Variants in GLOD4 observed in about 807,000 individuals in gnomAD.
GLOD4 encodes glyoxalase domain containing 4.
A neutral mutation model predicts 39.1 loss-of-function variants in GLOD4; 44 were observed. That is an observed-to-expected ratio of 1.13 (90% CI 0.88 to 1.45). The LOEUF is 1.45. Among genes scored for constraint, GLOD4 ranks in the 40% most tolerant of loss-of-function variants. The pLI is 0.00. For synonymous variants in GLOD4, 145 were observed against 135.0 expected, an observed-to-expected ratio of 1.07 and a Z score of -0.52; for missense variants, 405 against 366.4, an observed-to-expected ratio of 1.11 and a Z score of -0.86.
intron 8 of GLOD4, among the ~76,000 whole-genome samples, 159 bp from the exon 9 acceptor site, chr17:760,397 A>AT (rs1175607119): frequency 2.0e-5 from 3 of 152,172 alleles, no homozygotes; most frequent in East Asian, 1.9e-4. Flanking sequence ...AATAAAAAAA[A>AT]TTTTTTAACA....
chr17:779,319 TAA>T (rs34487169), intron 1 of GLOD4, among the ~76,000 whole-genome samples: 20,790 of 43,192 alleles, frequency 0.48, 3,915 homozygotes, highest in South Asian at 0.65. Context: ...CATCTCAAAT[TAA>T]AAAAAAAAAA....
At chr17:770,981 G>C (rs180938319) in intron 5 of GLOD4, 1 of 209,464 alleles carries the variant, frequency 4.8e-6, no homozygotes, top group African/African-American at 2.3e-5. Flanking sequence ...TAATTCCTAG[G>C]AGTAGAATTG....
Position 760,187 on chromosome 17 carries a change from TG to T in GLOD4, c.882del (p.Ala296LeufsTer21). On this transcript the variant is annotated frameshift_variant, in exon 9 of 9. Coordinates refer to ENST00000301329, the MANE Select transcript of GLOD4 (RefSeq NM_016080.4). LOFTEE classifies it high-confidence loss of function. ...CATGTCTTCCGTTAACCTGAAGCTT[TG>T]GGTTTATTGTGTTTGGCAAACCACT... ...SDEWFAKHNK[P>X]KASG 6.3e-7 allele frequency: 1 copy of T among 1,597,072 alleles called. No homozygotes were observed. Among genetic ancestry groups the T allele is most frequent in the Non-Finnish European group, 8.6e-7 (1 of 1,164,440 alleles).
chr17:776,332 A>T (rs1908942994), intron 3 of GLOD4, among the ~76,000 whole-genome samples: 1 of 152,224 alleles, frequency 6.6e-6, no homozygotes, highest in Non-Finnish European at 1.5e-5. Flanking sequence ...AGTGCCTAGA[A>T]ATGTACACGT....
intron 8 of GLOD4, chr17:764,270 T>C (rs75470569): frequency 3.9e-5 from 6 of 152,292 alleles, no homozygotes; most frequent in African/African-American, 7.2e-5. Flanking sequence ...CAGCTGGGCA[T>C]AGTGCTGCAG....
rs745537767 is a variant in GLOD4 at position 782,248 on chromosome 17, G to A, written c.8C>T (p.Ala3Val). Residue 3 changes from alanine to valine, a missense_variant, in exon 1 of 9, where the codon GCT (alanine) becomes GTT (valine). Ala to Val is a moderately conservative substitution (Grantham distance 64). Coordinates refer to ENST00000301329, the MANE Select transcript of GLOD4 (RefSeq NM_016080.4). Reference protein sequence around the residue: MAARRALHFVFKV... With the variant: MAVRRALHFVFKV... Reference sequence around the variant, plus strand: ...GAATACGAAGTGCAGAGCTCTGCGAGCAGCCATGATTCCCGCCGCACGCAG... The same window carrying A: ...GAATACGAAGTGCAGAGCTCTGCGAACAGCCATGATTCCCGCCGCACGCAG... 2.5e-6 allele frequency: 4 copies of A among 1,613,030 alleles called. No homozygotes were observed. The highest frequency in any genetic ancestry group is 1.3e-5 in the African/African-American group (1 of 74,916).
chr17:763,790 C>T (rs376267082), intron 8 of GLOD4: 5 of 152,066 alleles, frequency 3.3e-5, no homozygotes, highest in African/African-American at 1.2e-4. Flanking sequence ...GGTAGGTTTC[C>T]TAGGTGAAGA....
upstream of GLOD4, among the ~76,000 whole-genome samples, chr17:783,695 G>A (rs567050993): frequency 6.6e-6 from 1 of 152,278 alleles, no homozygotes; most frequent in Admixed American, 6.5e-5. Context: ...CTTGTCTTAG[G>A]ACAGCAGCAT....
chr17:776,484 C>T (rs765861175), intron 3 of GLOD4, among the ~76,000 whole-genome samples: 1 of 152,170 alleles, frequency 6.6e-6, no homozygotes, highest in Admixed American at 6.5e-5. Flanking sequence ...CAGACTGCAG[C>T]CAGCCTTGTT....
rs912375989 is a variant in GLOD4, at chr17:775,805, A to G, written c.376T>C (p.Tyr126His). The change falls in exon 4 of 9, where the codon TAT becomes CAT. Residue 126 changes from tyrosine to histidine, a missense_variant. Tyr to His is a moderately conservative substitution (Grantham distance 83). Transcript: ENST00000301329. Reference protein sequence around the residue: ...ETEAPGGYKFYLQNRSLPQSD... With the variant: ...ETEAPGGYKFHLQNRSLPQSD... ...TGAGGCAGACTGCGATTCTGCAAAT[A>G]GAACTTATATCCTCCCGGGGCCTCG... 1.9e-6 allele frequency: 3 copies of G among 1,613,992 alleles called. No individual in the cohort carries two copies. The highest frequency in any genetic ancestry group is 2.5e-6 in the Non-Finnish European group (3 of 1,179,968).
Position 759,365 on chromosome 17 carries a change from A to T in GLOD4, c.*808T>A, listed in dbSNP as rs772875655. 6.6e-6 allele frequency: 1 copy of T among 152,350 alleles called. No individual in the cohort carries two copies. Among genetic ancestry groups the T allele is most frequent in the Non-Finnish European group, 1.5e-5 (1 of 68,034 alleles). The allele number at this position is 152,350 out of a possible 1,614,324, so 9.4% of individuals were successfully genotyped here. ...AAAAAATTTATTCAATGAATACACA[A>T]TATAATTCCATTTCGAGTGATTAAA... On this transcript the variant is annotated 3_prime_UTR_variant, in exon 9 of 9. Transcript: ENST00000301329.
chr17:781,500 C>T (rs1019813231), intron 1 of GLOD4, among the ~76,000 whole-genome samples: 1 of 152,182 alleles, frequency 6.6e-6, no homozygotes, highest in Non-Finnish European at 1.5e-5. Flanking sequence ...GAATTCAGAT[C>T]CCCGTCTATT....
intron 1 of GLOD4, 73 bp downstream of exon 1, chr17:782,093 C>G: frequency 8.8e-7 from 1 of 1,130,958 alleles, no homozygotes; most frequent in Non-Finnish European, 1.3e-6. Flanking sequence ...CCATTTTCCC[C>G]TCCCTCCGCC....
chr17:770,699 T>TA (rs917734500), intron 5 of GLOD4, 192 bp from the exon 6 acceptor site: 80 of 436,368 alleles, frequency 1.8e-4, no homozygotes, highest in Middle Eastern at 6.0e-4. Context: ...ATCTATGTTT[T>TA]TTTTTTTACA....
At chr17:773,029 A>G (rs1189007327) in intron 4 of GLOD4, among the ~76,000 whole-genome samples, 1 of 152,128 alleles carries the variant, frequency 6.6e-6, no homozygotes, top group East Asian at 1.9e-4. Flanking sequence ...CGACGCCCCC[A>G]AACAACAAAG....
At chr17:763,614 T>TA (rs1905930460) in intron 8 of GLOD4, 1 of 152,226 alleles carries the variant, frequency 6.6e-6, no homozygotes, top group African/African-American at 2.4e-5. Flanking sequence ...TACATATTTT[T>TA]AGTATAAATA....
chr17:769,550 CGG>C, intron 8 of GLOD4, among the ~76,000 whole-genome samples: 2 of 135,250 alleles, frequency 1.5e-5, no homozygotes, highest in East Asian at 2.2e-4. Context: ...CTGAGGGGGT[CGG>C]ATGGAGGCAT....
chr17:775,759 G>A lies in GLOD4; in HGVS notation c.406+16C>T, dbSNP rs1459059267. 2 of 1,608,296 alleles carry A rather than the reference G, an allele frequency of 1.2e-6. No individual in the cohort carries two copies. The highest frequency in any genetic ancestry group is 1.7e-6 in the Non-Finnish European group (2 of 1,174,874). The stretch of plus-strand genomic sequence containing the variant: ...TGCCTTTAGACAGAGGCTTTTACTG[G>A]TTCTGGTATAATTACCTGACTGAGG... On this transcript the variant is annotated intron_variant, in intron 4 of 8. Coordinates refer to ENST00000301329, the MANE Select transcript of GLOD4 (RefSeq NM_016080.4).
At chr17:773,995 A>G (rs1344882609) in intron 4 of GLOD4, among the ~76,000 whole-genome samples, 1 of 152,192 alleles carries the variant, frequency 6.6e-6, no homozygotes, top group Non-Finnish European at 1.5e-5. Flanking sequence ...GCTTCTTAGC[A>G]CCATGGGGCT....
Sources: gnomAD v4.1 joint callset for allele counts (sites outside exome capture counted in the v4.1 genomes callset) on GRCh38, gnomAD v4.1.1 for gene constraint, MANE v1.5 for transcripts, NCBI Gene and HGNC (gene_info 2026-07-23, HGNC 2026-07-21) for gene names.